PDS5A: variants seen among roughly 807,000 people sequenced by gnomAD.
PDS5A encodes PDS5 cohesin associated factor A.
Under a neutral mutation model 167.1 loss-of-function variants are expected in PDS5A, and 42 were observed. That is an observed-to-expected ratio of 0.25 (90% CI 0.20 to 0.33). PDS5A has a LOEUF of 0.33. PDS5A is among the 10% of genes least tolerant of loss of function. PDS5A has a pLI of 1.00. For missense variants in PDS5A, 1,033 were observed against 1,605.9 expected, an observed-to-expected ratio of 0.64 and a Z score of 6.10; for synonymous variants, 553 against 554.6, an observed-to-expected ratio of 1.00 and a Z score of 0.04.
intron 11 of PDS5A, among the ~76,000 whole-genome samples, chr4:39,905,378 T>C (rs1413091059): frequency 6.6e-6 from 1 of 151,244 alleles, no homozygotes; most frequent in Non-Finnish European, 1.5e-5. Context: ...GTCAAAATGG[T>C]GAAACCCGGT....
chr4:39,890,169 T>C (rs889073364), intron 17 of PDS5A, 80 bp downstream of exon 17: 2 of 767,736 alleles, frequency 2.6e-6, no homozygotes, highest in Non-Finnish European at 2.2e-6. Flanking sequence ...CAGGTATCTT[T>C]AGGAGCCCAG....
chr4:39,849,586 C>T lies in PDS5A; in HGVS notation c.3153G>A (p.Lys1051=). Reference sequence around the variant, plus strand: ...TTAACTTGATGTTCTCTGCCATCTTCTTCATAAAGGCATGGCTATTGTTTT... The same window carrying T: ...TTAACTTGATGTTCTCTGCCATCTTTTTCATAAAGGCATGGCTATTGTTTT... ...KNENNSHAFM[K]KMAENIKLTR... is the part of the protein sequence containing the mutation. The change falls in exon 27 of 33, where the codon AAG becomes AAA. Residue 1051 remains lysine (K), a synonymous_variant. Transcript: ENST00000303538. 1 of 1,608,744 alleles carries T rather than the reference C, an allele frequency of 6.2e-7. No individual in the cohort carries two copies. The highest frequency in any genetic ancestry group is 1.3e-5 in the African/African-American group (1 of 74,920).
At position 39,971,445 on chromosome 4, in the gene PDS5A, C is replaced by G. The variant is rs982947063; in HGVS notation, c.138+4995G>C. ...TGCTGAGATTACAGGCGTGAGCCAC[C>G]GCACCGGGCCTGCCTTTAAGGTCTT... On this transcript the variant is annotated intron_variant, in intron 2 of 32. Transcript: ENST00000303538. 3.3e-5 allele frequency among the ~76,000 whole-genome samples: 5 copies of G among 151,646 alleles called. No homozygotes were observed. The East Asian group carries it at 7.8e-4, about 24-fold the overall frequency.
At chr4:39,963,772 G>A (rs1467425826) in intron 2 of PDS5A, among the ~76,000 whole-genome samples, 1 of 151,424 alleles carries the variant, frequency 6.6e-6, no homozygotes, top group Admixed American at 6.6e-5. Flanking sequence ...GATCCAGGCT[G>A]CAGCAGTGAG....
Position 39,926,880 on chromosome 4 carries a change from CATTA to C in PDS5A, c.343-23_343-20del. 8 of 1,363,824 alleles carry C rather than the reference CATTA, an allele frequency of 5.9e-6. No homozygotes were observed. Among genetic ancestry groups the C allele is most frequent in the Non-Finnish European group, 7.7e-6 (8 of 1,039,502 alleles). The allele number at this position is 1,363,824 out of a possible 1,614,324, so 84.5% of individuals were successfully genotyped here. Reference sequence around the variant, plus strand: ...ATATGTCCTGTTAAAAAAAAAAACACATTAATTTAGACACAAATACTTTTCTTTC... The same window carrying C: ...ATATGTCCTGTTAAAAAAAAAAACACATTTAGACACAAATACTTTTCTTTC... On this transcript the variant is annotated intron_variant, in intron 3 of 32. Coordinates refer to ENST00000303538, the MANE Select transcript of PDS5A (RefSeq NM_001100399.2).
intron 32 of PDS5A, among the ~76,000 whole-genome samples, chr4:39,832,010 A>G (rs1715941608): frequency 6.7e-6 from 1 of 149,964 alleles, no homozygotes; most frequent in Admixed American, 6.7e-5. Context: ...GCTGCTCCGG[A>G]GGATGAGGCA....
intron 23 of PDS5A, among the ~76,000 whole-genome samples, chr4:39,866,037 C>G (rs1280921604): frequency 1.3e-5 from 2 of 152,200 alleles, no homozygotes; most frequent in African/African-American, 2.4e-5. Flanking sequence ...TGTGCACATA[C>G]AAGTGTACAC....
intron 7 of PDS5A, among the ~76,000 whole-genome samples, chr4:39,918,180 C>A (rs1724571118): frequency 3.0e-5 from 2 of 67,322 alleles, no homozygotes; most frequent in African/African-American, 5.5e-5. Context: ...AAGACCCTGT[C>A]TCAAAAAAAA....
chr4:39,877,430 C>T (rs2109584346), intron 18 of PDS5A, among the ~76,000 whole-genome samples: 1 of 152,196 alleles, frequency 6.6e-6, no homozygotes, highest in Middle Eastern at 3.4e-3. Flanking sequence ...ACTTAGAACA[C>T]AAAACACATG....
intron 2 of PDS5A, among the ~76,000 whole-genome samples, chr4:39,960,259 A>G (rs1346371566): frequency 6.6e-6 from 1 of 152,140 alleles, no homozygotes; most frequent in Admixed American, 6.6e-5. Context: ...ACGGAGTGAG[A>G]CTCTGTCTCA....
intron 19 of PDS5A, among the ~76,000 whole-genome samples, chr4:39,875,934 A>C (rs1720426493): frequency 6.6e-6 from 1 of 152,056 alleles, no homozygotes; most frequent in East Asian, 1.9e-4. Flanking sequence ...TTTCTAGAGC[A>C]GTATAATCTA....
At chr4:39,891,946 C>T (rs983201456) in intron 16 of PDS5A, among the ~76,000 whole-genome samples, 1 of 150,940 alleles carries the variant, frequency 6.6e-6, no homozygotes, top group Non-Finnish European at 1.5e-5. Context: ...CTGTTTCTAC[C>T]AAAAAATACA....
chr4:39,950,629 G>C (rs1262522649), intron 2 of PDS5A, among the ~76,000 whole-genome samples: 2 of 152,096 alleles, frequency 1.3e-5, no homozygotes, highest in African/African-American at 2.4e-5. Context: ...CTGTCGCCCA[G>C]ACTGGAGTGC....
intron 16 of PDS5A, among the ~76,000 whole-genome samples, chr4:39,895,707 GGTTT>G (rs1428125665): frequency 6.6e-6 from 1 of 151,936 alleles, no homozygotes; most frequent in Non-Finnish European, 1.5e-5. Flanking sequence ...GAACTTCAAG[GGTTT>G]GTTTTTGTTT....
intron 16 of PDS5A, among the ~76,000 whole-genome samples, chr4:39,894,520 ACTCTT>A (rs1382696291): frequency 6.6e-6 from 1 of 152,038 alleles, no homozygotes; most frequent in African/African-American, 2.4e-5. Context: ...AGACAAGCCC[ACTCTT>A]CTCTTCCCTA....
chr4:39,837,539 T>TA (rs35238565), intron 32 of PDS5A: 79,783 of 239,912 alleles, frequency 0.33, 14,556 homozygotes, highest in East Asian at 0.43. Flanking sequence ...AGGTAGCCCT[T>TA]ATTTTATGTA....
chr4:39,951,423 G>A (rs542613212), intron 2 of PDS5A, among the ~76,000 whole-genome samples: 3 of 152,324 alleles, frequency 2.0e-5, no homozygotes, highest in African/African-American at 7.2e-5. Context: ...GTTTTCCAAT[G>A]AGAGACAGCC....
At chr4:39,944,627 G>C (rs954796614) in intron 2 of PDS5A, among the ~76,000 whole-genome samples, 2 of 149,490 alleles carry the variant, frequency 1.3e-5, no homozygotes, top group Admixed American at 6.7e-5. Context: ...CTGGGAGGCG[G>C]AGGTTGCAGT....
intron 12 of PDS5A, among the ~76,000 whole-genome samples, 152 bp from the exon 13 acceptor site, chr4:39,902,612 T>TC (rs1467962907): frequency 6.6e-6 from 1 of 151,708 alleles, no homozygotes; most frequent in Non-Finnish European, 1.5e-5. Flanking sequence ...AACCTCTGTC[T>TC]CGCAGGTTCA....
Sources: gnomAD v4.1 joint callset for allele counts (sites outside exome capture counted in the v4.1 genomes callset) on GRCh38, gnomAD v4.1.1 for gene constraint, MANE v1.5 for transcripts, NCBI Gene and HGNC (gene_info 2026-07-23, HGNC 2026-07-21) for gene names.